SRGAP3: variants seen among roughly 807,000 people sequenced by gnomAD.
The protein encoded by SRGAP3 is SLIT-ROBO Rho GTPase activating protein 3.
In SRGAP3, 39 loss-of-function variants were observed where a neutral mutation model predicts 121.1. The ratio of observed to expected loss-of-function variants is 0.32; its 90% CI spans 0.25 to 0.42. SRGAP3 has a LOEUF of 0.42. Ranked by LOEUF, SRGAP3 falls within the 10% of genes least tolerant of loss-of-function variation. The pLI is 1.00. For synonymous variants in SRGAP3, 601 were observed against 570.0 expected, an observed-to-expected ratio of 1.05 and a Z score of -0.77; for missense variants, 1,213 against 1,470.6, an observed-to-expected ratio of 0.82 and a Z score of 2.86.
At chr3:9,215,206 CCTT>C (rs892102919) in intron 1 of SRGAP3, among the ~76,000 whole-genome samples, 27 of 152,214 alleles carry the variant, frequency 1.8e-4, no homozygotes, top group African/African-American at 6.5e-4. Flanking sequence ...ACTCCAGCCT[CCTT>C]GTTAGATTTT....
Position 9,357,898 on chromosome 3 carries a change from G to A in SRGAP3, n.214+4942C>T, listed in dbSNP as rs2030605690. Among the ~76,000 whole-genome samples, 4 of 149,898 alleles carry A rather than the reference G, an allele frequency of 2.7e-5. No individual in the cohort carries two copies. The South Asian group carries it at 8.4e-4, about 31-fold the overall frequency. On this transcript the variant is annotated intron_variant and non_coding_transcript_variant, in intron 1 of 3. Transcript: ENST00000490889. ...TTTTTTTTTTTTTCTTTTTTGAGATGGAGTCTCACTCTGTCTCCCAGACTG... is the reference window on the plus strand; with the variant it reads ...TTTTTTTTTTTTTCTTTTTTGAGATAGAGTCTCACTCTGTCTCCCAGACTG...
In SRGAP3 at chr3:9,340,870, TGAA is replaced by T. The variant is rs1483290736; in HGVS notation, n.215-10277_215-10275del. On this transcript the variant is annotated intron_variant and non_coding_transcript_variant, in intron 1 of 3. Coordinates refer to the SRGAP3 transcript ENST00000490889. ...GCCACTAAAAGAAAATCACCGTGAA[TGAA>T]GGAGTCTGGCATCCTGGGCTGCTAT... Among the ~76,000 whole-genome samples, 4 of 152,122 alleles carry T rather than the reference TGAA, an allele frequency of 2.6e-5. No homozygotes were observed. The East Asian group carries it at 5.8e-4, about 22-fold the overall frequency.
chr3:8,996,234 C>T (rs1220434002), intron 18 of SRGAP3, among the ~76,000 whole-genome samples: 4 of 152,218 alleles, frequency 2.6e-5, no homozygotes, highest in African/African-American at 9.6e-5. Flanking sequence ...AAGAGTTACA[C>T]ACATGTTGTT....
intron 3 of SRGAP3, among the ~76,000 whole-genome samples, chr3:9,311,253 A>T (rs940022442): frequency 6.6e-6 from 1 of 152,216 alleles, no homozygotes; most frequent in African/African-American, 2.4e-5. Flanking sequence ...AGTTAATTGT[A>T]ATAAACTCTA....
chr3:9,316,239 G>A (rs936087025), intron 3 of SRGAP3, among the ~76,000 whole-genome samples: 6 of 150,778 alleles, frequency 4.0e-5, no homozygotes, highest in Admixed American at 2.7e-4. Flanking sequence ...AGTGGAGACC[G>A]GGTTTCACCA....
intron 1 of SRGAP3, among the ~76,000 whole-genome samples, chr3:9,173,087 C>T (rs895155564): frequency 6.6e-6 from 1 of 152,170 alleles, no homozygotes; most frequent in African/African-American, 2.4e-5. Flanking sequence ...GCTGGCCTGG[C>T]GCAGTGATGC....
intron 3 of SRGAP3, among the ~76,000 whole-genome samples, chr3:9,300,084 G>A (rs1356668720): frequency 1.4e-5 from 2 of 143,788 alleles, no homozygotes; most frequent in Admixed American, 7.2e-5. Context: ...AAGAGATAAT[G>A]TATGAGAAAT....
chr3:9,105,865 A>G (rs2543489), intron 2 of SRGAP3, among the ~76,000 whole-genome samples: 98,789 of 152,108 alleles, frequency 0.65, 32,769 homozygotes, highest in African/African-American at 0.8. Context: ...ACTACGGAAC[A>G]TCATAGTTTA....
chr3:9,025,147 G>A, intron 14 of SRGAP3, 114 bp downstream of exon 14: 1 of 1,035,484 alleles, frequency 9.7e-7, no homozygotes, highest in Admixed American at 1.7e-5. Context: ...TGCACAATCA[G>A]CTCCTGCAAA....
At chr3:9,009,977 G>C (rs1260968831) in intron 18 of SRGAP3, among the ~76,000 whole-genome samples, 2 of 152,202 alleles carry the variant, frequency 1.3e-5, no homozygotes, top group African/African-American at 4.8e-5. Flanking sequence ...GGGAAGGATG[G>C]AGGAACAGAG....
chr3:9,339,528 T>A (rs1955747142), intron 1 of SRGAP3, among the ~76,000 whole-genome samples: 1 of 152,174 alleles, frequency 6.6e-6, no homozygotes, highest in Non-Finnish European at 1.5e-5. Flanking sequence ...AGTGGCAATG[T>A]GATATGTGAC....
chr3:9,072,881 A>G (rs1322596411), intron 4 of SRGAP3, among the ~76,000 whole-genome samples: 1 of 152,200 alleles, frequency 6.6e-6, no homozygotes, highest in Non-Finnish European at 1.5e-5. Context: ...ATCTTCTTGC[A>G]TTGTTTACTG....
chr3:9,138,441 G>A (rs142549575), intron 1 of SRGAP3, among the ~76,000 whole-genome samples: 2 of 152,304 alleles, frequency 1.3e-5, no homozygotes, highest in East Asian at 1.9e-4. Flanking sequence ...AGCAAGGGTT[G>A]AAGACATGCT....
intron 14 of SRGAP3, among the ~76,000 whole-genome samples, chr3:9,023,575 C>T (rs1350333493): frequency 6.6e-6 from 1 of 152,188 alleles, no homozygotes; most frequent in Non-Finnish European, 1.5e-5. Flanking sequence ...CTAGGGCCTC[C>T]TATGCTCCCC....
chr3:9,099,073 C>A (rs1948103291), intron 3 of SRGAP3, among the ~76,000 whole-genome samples: 2 of 152,200 alleles, frequency 1.3e-5, no homozygotes, highest in African/African-American at 4.8e-5. Context: ...ATAAACTTGG[C>A]TTTGAATCCA....
At chr3:9,112,802 T>G (rs1341933029) in intron 2 of SRGAP3, among the ~76,000 whole-genome samples, 2 of 152,208 alleles carry the variant, frequency 1.3e-5, no homozygotes, top group Non-Finnish European at 2.9e-5. Flanking sequence ...CTTTTCCTTT[T>G]TGCTTCTGGT....
At chr3:8,994,321 C>T (rs1160429753) in intron 19 of SRGAP3, 22 bp downstream of exon 19, 10 of 1,613,606 alleles carry the variant, frequency 6.2e-6, no homozygotes, top group Non-Finnish European at 8.5e-6. Flanking sequence ...GCATTCTTCA[C>T]AGAATTCTCG....
At chr3:9,354,365 A>T (rs1279578503) in intron 1 of SRGAP3, among the ~76,000 whole-genome samples, 1 of 152,156 alleles carries the variant, frequency 6.6e-6, no homozygotes, top group Admixed American at 6.5e-5. Context: ...CTTTCTACCC[A>T]GGACCTTGTT....
intron 4 of SRGAP3, among the ~76,000 whole-genome samples, chr3:9,077,533 C>T (rs1947028912): frequency 6.6e-6 from 1 of 152,202 alleles, no homozygotes. Context: ...CCCACTCTTC[C>T]AAAGGAGAGA....
Sources: allele counts gnomAD v4.1 joint callset (sites outside exome capture counted in the v4.1 genomes callset), GRCh38; gene constraint gnomAD v4.1.1; transcripts MANE v1.5; gene names NCBI Gene and HGNC (gene_info 2026-07-23, HGNC 2026-07-21).